CATSPERT: variants seen among roughly 807,000 people sequenced by gnomAD.
CATSPERT encodes catsper channel auxiliary subunit tau, also known as cation channel sperm-associated targeting subunit tau.
chr2:201,535,158 A>G, the CATSPERT span: 1 of 984,302 alleles, frequency 1.0e-6, no homozygotes, highest in Non-Finnish European at 1.2e-6. Context: ...TCCCAGTTAA[A>G]ATTATGTCTT....
the CATSPERT span, among the ~76,000 whole-genome samples, chr2:201,588,582 G>A: frequency 2.1e-5 from 3 of 140,834 alleles, no homozygotes; most frequent in Non-Finnish European, 4.6e-5. Flanking sequence ...CACTGAATGG[G>A]CAATGGTTCC....
the CATSPERT span, among the ~76,000 whole-genome samples, chr2:201,586,748 GACTT>G: frequency 0.42 from 63,876 of 151,278 alleles, 13,974 homozygotes; most frequent in East Asian, 0.73. Context: ...TTCTTAATGA[GACTT>G]ACCAGAATTG....
At chr2:201,558,528 C>T in the CATSPERT span, among the ~76,000 whole-genome samples, 11 of 152,222 alleles carry the variant, frequency 7.2e-5, no homozygotes, top group African/African-American at 2.7e-4. Flanking sequence ...ATCAGATCAG[C>T]CTGGACACAG....
the CATSPERT span, among the ~76,000 whole-genome samples, chr2:201,595,708 CA>C: frequency 6.6e-6 from 1 of 152,114 alleles, no homozygotes; most frequent in South Asian, 2.1e-4. Flanking sequence ...CAGACAGGGA[CA>C]TTTAAGTCTG....
chr2:201,584,575 G>A, the CATSPERT span, among the ~76,000 whole-genome samples: 1 of 151,966 alleles, frequency 6.6e-6, no homozygotes, highest in Non-Finnish European at 1.5e-5. Flanking sequence ...ACAAGGTCAG[G>A]AGTTCGAGAC....
At chr2:201,572,780 C>G in the CATSPERT span, among the ~76,000 whole-genome samples, 2 of 151,934 alleles carry the variant, frequency 1.3e-5, no homozygotes, top group African/African-American at 4.8e-5. Context: ...AAAAAAAAAG[C>G]TTGTTCCTTG....
chr2:201,532,859 T>A, the CATSPERT span, among the ~76,000 whole-genome samples: 3 of 152,122 alleles, frequency 2.0e-5, no homozygotes, highest in Non-Finnish European at 4.4e-5. Context: ...GGGGACTCAG[T>A]TGTGGGTTCA....
the CATSPERT span, chr2:201,534,758 C>T: frequency 5.2e-6 from 5 of 956,100 alleles, no homozygotes; most frequent in Admixed American, 7.8e-5. Flanking sequence ...CACAGATCCA[C>T]AGATCTAAAT....
At chr2:201,511,930 T>C in the CATSPERT span, 1 of 150,952 alleles carries the variant, frequency 6.6e-6, no homozygotes, top group African/African-American at 2.4e-5. Context: ...ATTCTAAAGA[T>C]TTTGTGACTT....
the CATSPERT span, chr2:201,536,064 T>C: frequency 6.2e-7 from 1 of 1,613,216 alleles, no homozygotes; most frequent in South Asian, 1.1e-5. Context: ...TGGATAGTTA[T>C]CTTTTAATTT....
the CATSPERT span, among the ~76,000 whole-genome samples, chr2:201,574,674 A>G: frequency 1.3e-5 from 2 of 152,140 alleles, no homozygotes; most frequent in Non-Finnish European, 2.9e-5. Flanking sequence ...TTCAGATAAA[A>G]TTTTGATTTA....
chr2:201,507,950 G>A, the CATSPERT span, among the ~76,000 whole-genome samples: 2 of 152,098 alleles, frequency 1.3e-5, no homozygotes, highest in Middle Eastern at 3.2e-3. Flanking sequence ...AGAACAAGGG[G>A]GAAGTCCACC....
the CATSPERT span, among the ~76,000 whole-genome samples, chr2:201,609,399 T>C: frequency 6.6e-6 from 1 of 152,178 alleles, no homozygotes; most frequent in African/African-American, 2.4e-5. Context: ...ACTCTTCTCA[T>C]CACCACATGG....
At chr2:201,581,724 T>C in the CATSPERT span, among the ~76,000 whole-genome samples, 1 of 150,508 alleles carries the variant, frequency 6.6e-6, no homozygotes, top group Non-Finnish European at 1.5e-5. Context: ...TTCTCCTGCC[T>C]CAGCCTCCCA....
At chr2:201,516,726 T>C in the CATSPERT span, among the ~76,000 whole-genome samples, 2 of 151,838 alleles carry the variant, frequency 1.3e-5, no homozygotes, top group African/African-American at 4.8e-5. Flanking sequence ...ACCATATTAA[T>C]TGATTTCAGG....
At chr2:201,591,942 T>C in the CATSPERT span, among the ~76,000 whole-genome samples, 1 of 152,028 alleles carries the variant, frequency 6.6e-6, no homozygotes, top group African/African-American at 2.4e-5. Flanking sequence ...CAGGGACAAT[T>C]TGACTTCCTC....
the CATSPERT span, among the ~76,000 whole-genome samples, chr2:201,512,467 G>T: frequency 6.6e-6 from 1 of 151,962 alleles, no homozygotes. Context: ...TTAATGTCTG[G>T]TAACCACTAA....
At chr2:201,575,034 CAA>C in the CATSPERT span, among the ~76,000 whole-genome samples, 13 of 97,902 alleles carry the variant, frequency 1.3e-4, no homozygotes, top group African/African-American at 1.5e-4. Flanking sequence ...CACCATTTAG[CAA>C]AAAAAAAAAA....
chr2:201,618,936 G>C, the CATSPERT span: 1 of 1,613,884 alleles, frequency 6.2e-7, no homozygotes, highest in Non-Finnish European at 8.5e-7. Context: ...CCTGGTTCTT[G>C]TTCTTAGGCA....
Sources: allele counts gnomAD v4.1 joint callset (sites outside exome capture counted in the v4.1 genomes callset), GRCh38; gene constraint gnomAD v4.1.1; transcripts MANE v1.5; gene names NCBI Gene and HGNC (gene_info 2026-07-23, HGNC 2026-07-21).